CSMD1: variants seen among roughly 807,000 people sequenced by gnomAD.
CSMD1 encodes CUB and Sushi multiple domains 1.
Under a neutral mutation model 417.5 loss-of-function variants are expected in CSMD1, and 213 were observed. The ratio of observed to expected loss-of-function variants is 0.51; its 90% CI spans 0.46 to 0.57. The LOEUF is 0.57. Among genes scored for constraint, CSMD1 ranks in the 20% least tolerant of loss-of-function variants. CSMD1 has a pLI of 0.00. For synonymous variants in CSMD1, 2,862 were observed against 1,736.8 expected (o/e 1.65, Z -16.11); for missense variants, 6,923 against 4,529.7 (o/e 1.53, Z -15.17).
chr8:4,191,106 AT>A lies in CSMD1; in HGVS notation c.416-159008del, dbSNP rs544358273. Among the ~76,000 whole-genome samples the A allele has an allele frequency of 1.6e-3, 245 of 152,290 alleles. 2 individuals carry two copies. Among genetic ancestry groups the A allele is most frequent in the African/African-American group, 5.8e-3 (242 of 41,550 alleles). On this transcript the variant is annotated intron_variant, in intron 3 of 69. Coordinates refer to ENST00000635120, the MANE Select transcript of CSMD1 (RefSeq NM_033225.6). ...TAAAATAAAATAAAAGTTGAAAAAA[AT>A]TCAACAAGGCCAGGCGAGGTAGCTC...
At chr8:4,453,715 C>T (rs1387914225) in intron 2 of CSMD1, among the ~76,000 whole-genome samples, 1 of 151,750 alleles carries the variant, frequency 6.6e-6, no homozygotes, top group South Asian at 2.1e-4. Flanking sequence ...ACAGGCATCA[C>T]AGCGGGCTTA....
chr8:4,059,297 G>A (rs1207057993), intron 3 of CSMD1, among the ~76,000 whole-genome samples: 1 of 146,658 alleles, frequency 6.8e-6, no homozygotes, highest in Admixed American at 6.8e-5. Context: ...AAAACACTGT[G>A]TAGAGTGAAA....
intron 7 of CSMD1, among the ~76,000 whole-genome samples, chr8:3,618,051 G>A (rs886081747): frequency 2.2e-4 from 34 of 152,168 alleles, no homozygotes; most frequent in African/African-American, 7.5e-4. Context: ...GCCCAGGTGG[G>A]AGTGCAGTGG....
At chr8:4,132,947 T>C (rs971034246) in intron 3 of CSMD1, among the ~76,000 whole-genome samples, 8 of 152,176 alleles carry the variant, frequency 5.3e-5, no homozygotes, top group Non-Finnish European at 1.2e-4. Context: ...TATTTATTTA[T>C]TTTTGAGATG....
chr8:3,448,425 A>AGGGAG (rs1815471090), intron 12 of CSMD1, among the ~76,000 whole-genome samples: 7 of 147,784 alleles, frequency 4.7e-5, no homozygotes, highest in Non-Finnish European at 9.0e-5. Context: ...GAAGGGAAGG[A>AGGGAG]AGAAGGAGCA....
intron 1 of CSMD1, among the ~76,000 whole-genome samples, chr8:4,648,995 A>T (rs1443044668): frequency 6.6e-6 from 1 of 152,218 alleles, no homozygotes; most frequent in Non-Finnish European, 1.5e-5. Flanking sequence ...TGCCTTCAAT[A>T]AACATATCTA....
chr8:4,182,522 A>G (rs982903172), intron 3 of CSMD1, among the ~76,000 whole-genome samples: 2 of 152,174 alleles, frequency 1.3e-5, no homozygotes, highest in East Asian at 1.9e-4. Flanking sequence ...GACGGGCTAT[A>G]TATGCTCAAT....
intron 23 of CSMD1, among the ~76,000 whole-genome samples, chr8:3,337,626 C>G (rs1807355636): frequency 6.6e-6 from 1 of 152,126 alleles, no homozygotes; most frequent in African/African-American, 2.4e-5. Context: ...AGCGCCTGGA[C>G]AGAGAGGTCC....
chr8:3,358,434 C>T (rs1010803583), intron 21 of CSMD1, among the ~76,000 whole-genome samples: 2 of 152,134 alleles, frequency 1.3e-5, no homozygotes, highest in African/African-American at 4.8e-5. Flanking sequence ...GACAACACAC[C>T]CTATTTAAGC....
At chr8:4,830,290 T>A (rs763507352) in intron 1 of CSMD1, among the ~76,000 whole-genome samples, 1 of 152,140 alleles carries the variant, frequency 6.6e-6, no homozygotes, top group African/African-American at 2.4e-5. Context: ...AACCATGAGG[T>A]TTCTATTTCC....
In CSMD1 at chr8:4,255,838, T is replaced by C. The variant is rs182077455; in HGVS notation, c.415+164115A>G. Among the ~76,000 whole-genome samples, 5 of 152,318 alleles carry C rather than the reference T, an allele frequency of 3.3e-5. No individual in the cohort carries two copies. The East Asian group carries it at 9.6e-4, about 29-fold the overall frequency. On this transcript the variant is annotated intron_variant, in intron 3 of 69. Coordinates refer to ENST00000635120, the MANE Select transcript of CSMD1 (RefSeq NM_033225.6). Reference sequence around the variant, plus strand: ...CACTGGCTGGCCTTGGCCTTGCCTATCTTTTAAGTTTACTTCACAGACTTT... The same window carrying C: ...CACTGGCTGGCCTTGGCCTTGCCTACCTTTTAAGTTTACTTCACAGACTTT...
chr8:3,556,415 T>TATATATATATATATATACACATACATA (rs1799148435), intron 10 of CSMD1, among the ~76,000 whole-genome samples: 12 of 57,120 alleles, frequency 2.1e-4, no homozygotes, highest in African/African-American at 6.8e-4. Flanking sequence ...ATATATATAT[T>TATATATATATATATATACACATACATA]CACACACACA....
In CSMD1 at chr8:4,272,922, G is replaced by A. The variant is rs146741992; in HGVS notation, c.415+147031C>T. On this transcript the variant is annotated intron_variant, in intron 3 of 69. Coordinates refer to ENST00000635120, the MANE Select transcript of CSMD1 (RefSeq NM_033225.6). ...GCTTCTCATAGAAATCAAATAAGAA[G>A]TATTTTGTAAGAAAGGAAATTAGTT... 1.3e-3 allele frequency among the ~76,000 whole-genome samples: 194 copies of A among 152,166 alleles called. 1 individual carries two copies. The highest frequency in any genetic ancestry group is 4.5e-3 in the African/African-American group (186 of 41,540).
At chr8:3,560,744 C>T (rs1404588650) in intron 10 of CSMD1, among the ~76,000 whole-genome samples, 1 of 152,266 alleles carries the variant, frequency 6.6e-6, no homozygotes, top group East Asian at 1.9e-4. Flanking sequence ...TCACTAGCAG[C>T]CTTTCAGGAG....
At chr8:4,566,470 G>A (rs188808841) in intron 2 of CSMD1, among the ~76,000 whole-genome samples, 1 of 151,484 alleles carries the variant, frequency 6.6e-6, no homozygotes, top group African/African-American at 2.4e-5. Context: ...TGGCTAACAA[G>A]GTGAAACCCC....
At chr8:4,209,765 A>T (rs1419024536) in intron 3 of CSMD1, among the ~76,000 whole-genome samples, 1 of 152,178 alleles carries the variant, frequency 6.6e-6, no homozygotes, top group African/African-American at 2.4e-5. Context: ...ACTACACCAT[A>T]GGCCATGTGC....
chr8:3,658,219 T>G (rs982017320), intron 7 of CSMD1, among the ~76,000 whole-genome samples: 6 of 152,122 alleles, frequency 3.9e-5, no homozygotes, highest in Non-Finnish European at 5.9e-5. Flanking sequence ...ACTCTCAATG[T>G]AAAATAAAAG....
intron 25 of CSMD1, among the ~76,000 whole-genome samples, chr8:3,306,268 C>G (rs188330953): frequency 6.6e-6 from 1 of 152,254 alleles, no homozygotes; most frequent in Admixed American, 6.5e-5. Context: ...AAATATTTTT[C>G]ATCCTTCCAC....
chr8:4,295,529 C>T (rs895107580), intron 3 of CSMD1, among the ~76,000 whole-genome samples: 2 of 142,900 alleles, frequency 1.4e-5, no homozygotes, highest in Non-Finnish European at 3.0e-5. Flanking sequence ...ATATATATTA[C>T]ATATATTATA....
Sources: gnomAD v4.1 joint callset for allele counts (sites outside exome capture counted in the v4.1 genomes callset) on GRCh38, gnomAD v4.1.1 for gene constraint, MANE v1.5 for transcripts, NCBI Gene and HGNC (gene_info 2026-07-23, HGNC 2026-07-21) for gene names.